Variants in LUZP2 observed in about 807,000 individuals in gnomAD.
LUZP2 encodes the protein leucine zipper protein 2.
A neutral mutation model predicts 51.6 loss-of-function variants in LUZP2; 52 were observed. The ratio of observed to expected loss-of-function variants is 1.01; its 90% CI spans 0.81 to 1.27. The LOEUF (loss-of-function observed/expected upper bound fraction) is 1.27, where lower values mean the gene tolerates loss of function less well. LUZP2 is among the 50% of genes most tolerant of loss of function. LUZP2 has a pLI of 0.00. For synonymous variants in LUZP2, 154 were observed against 137.3 expected (o/e 1.12, Z -0.85); for missense variants, 436 against 395.4 (o/e 1.10, Z -0.87).
intron 9 of LUZP2, among the ~76,000 whole-genome samples, chr11:24,999,598 C>T (rs1417011381): frequency 2.1e-5 from 3 of 141,554 alleles, no homozygotes; most frequent in Non-Finnish European, 4.7e-5. Context: ...AATCCCTTGA[C>T]CTCGTGATCT....
chr11:25,003,202 A>G (rs1229041227), intron 9 of LUZP2, among the ~76,000 whole-genome samples: 1 of 152,182 alleles, frequency 6.6e-6, no homozygotes, highest in Non-Finnish European at 1.5e-5. Context: ...AATCATCCAC[A>G]TACTGAAGGA....
intron 5 of LUZP2, among the ~76,000 whole-genome samples, chr11:24,853,416 A>G (rs1590641451): frequency 1.3e-5 from 2 of 151,912 alleles, no homozygotes; most frequent in African/African-American, 2.4e-5. Flanking sequence ...CGATTCAGCT[A>G]TTGATACTTC....
At chr11:24,742,058 TA>T (rs1367554281) in intron 4 of LUZP2, among the ~76,000 whole-genome samples, 2,095 of 50,608 alleles carry the variant, frequency 0.041, 155 homozygotes, top group African/African-American at 0.12. Flanking sequence ...TAAATATAAT[TA>T]TATATATATA....
At position 25,028,394 on chromosome 11, in the gene LUZP2, G is replaced by A. The variant is rs543550341; in HGVS notation, c.766-21644G>A. 5.9e-5 allele frequency among the ~76,000 whole-genome samples: 9 copies of A among 152,080 alleles called. No individual in the cohort carries two copies. The South Asian group carries it at 1.7e-3, about 28-fold the overall frequency. ...CCCAGCTTATGGGAACCATCATTCT[G>A]AGTGTCCATCAACAGACAAATGGAT... On this transcript the variant is annotated intron_variant, in intron 9 of 11. Coordinates refer to ENST00000336930, the MANE Select transcript of LUZP2 (RefSeq NM_001009909.4).
intron 7 of LUZP2, among the ~76,000 whole-genome samples, chr11:24,953,158 A>C (rs1238000056): frequency 6.6e-6 from 1 of 151,952 alleles, no homozygotes; most frequent in Non-Finnish European, 1.5e-5. Flanking sequence ...ATGTTTCACT[A>C]TCTGCTGCTT....
chr11:24,985,724 C>T (rs1414904093), intron 9 of LUZP2, among the ~76,000 whole-genome samples: 1 of 151,682 alleles, frequency 6.6e-6, no homozygotes, highest in Non-Finnish European at 1.5e-5. Context: ...GGAAGCCAAA[C>T]TGGTTTGTTT....
intron 1 of LUZP2, among the ~76,000 whole-genome samples, chr11:24,708,616 A>G (rs1428959699): frequency 2.0e-5 from 3 of 152,142 alleles, no homozygotes; most frequent in Non-Finnish European, 4.4e-5. Context: ...TAGGCCTATA[A>G]GAATCACCTG....
intron 7 of LUZP2, among the ~76,000 whole-genome samples, chr11:24,921,382 A>G (rs1043365398): frequency 6.6e-6 from 1 of 152,072 alleles, no homozygotes; most frequent in South Asian, 2.1e-4. Context: ...TAGTCCTTTA[A>G]TATGCAAATG....
chr11:24,926,213 A>G (rs189500428), intron 7 of LUZP2, among the ~76,000 whole-genome samples: 22 of 148,668 alleles, frequency 1.5e-4, no homozygotes, highest in Non-Finnish European at 3.1e-4. Context: ...GTGTGTATAT[A>G]TATATATACG....
intron 9 of LUZP2, among the ~76,000 whole-genome samples, chr11:25,001,582 A>G (rs1186440178): frequency 6.6e-6 from 1 of 152,120 alleles, no homozygotes; most frequent in African/African-American, 2.4e-5. Flanking sequence ...GTGGTATTGG[A>G]GTGTTATAGG....
Position 24,611,387 on chromosome 11 carries a change from T to TTATA in LUZP2, c.62+114087_62+114090dup. Among the ~76,000 whole-genome samples, 1 of 152,290 alleles carries TTATA rather than the reference T, an allele frequency of 6.6e-6. No homozygotes were observed. The highest frequency in any genetic ancestry group is 2.1e-4 in the South Asian group (1 of 4,834). The stretch of plus-strand genomic sequence containing the variant: ...ACTGAGATAAGTACCATTTACCCCA[T>TTATA]TATATATACATACATACAGCTATAT... On this transcript the variant is annotated intron_variant, in intron 1 of 11. Transcript: ENST00000336930. This position sits in a 1 kb window ranked among gnomAD's most constrained non-coding sequence, Gnocchi z 4.6.
intron 1 of LUZP2, among the ~76,000 whole-genome samples, chr11:24,512,153 C>T (rs1475777298): frequency 6.6e-6 from 1 of 152,066 alleles, no homozygotes; most frequent in Non-Finnish European, 1.5e-5. Flanking sequence ...GAAGTGAAAC[C>T]AAGATGGTGC....
intron 9 of LUZP2, among the ~76,000 whole-genome samples, chr11:25,012,210 A>C (rs1221217643): frequency 6.6e-6 from 1 of 152,174 alleles, no homozygotes; most frequent in African/African-American, 2.4e-5. Flanking sequence ...CGCAAAATAT[A>C]ATAACCTCTT....
chr11:24,693,447 TC>T (rs1254432405), intron 1 of LUZP2, among the ~76,000 whole-genome samples: 4 of 151,726 alleles, frequency 2.6e-5, no homozygotes, highest in Non-Finnish European at 5.9e-5. Context: ...GTTACTGTTT[TC>T]CATATATTTT....
At chr11:24,596,476 A>C (rs1445164391) in intron 1 of LUZP2, among the ~76,000 whole-genome samples, 1 of 152,200 alleles carries the variant, frequency 6.6e-6, no homozygotes, top group Non-Finnish European at 1.5e-5. Context: ...TTTAGGGAAC[A>C]GCAGCAGTGT....
intron 1 of LUZP2, among the ~76,000 whole-genome samples, chr11:24,679,313 T>C (rs755963510): frequency 6.6e-6 from 1 of 152,158 alleles, no homozygotes; most frequent in Non-Finnish European, 1.5e-5. Flanking sequence ...TTACTTCAAG[T>C]GATAAAAACA....
intron 1 of LUZP2, among the ~76,000 whole-genome samples, chr11:24,613,778 G>A (rs1854198838): frequency 7.0e-6 from 1 of 141,904 alleles, no homozygotes; most frequent in African/African-American, 2.7e-5. Flanking sequence ...AGAGGATAAT[G>A]CTCAGTCACT....
intron 5 of LUZP2, among the ~76,000 whole-genome samples, chr11:24,777,930 T>TA (rs895334789): frequency 2.6e-5 from 4 of 152,112 alleles, no homozygotes; most frequent in Non-Finnish European, 4.4e-5. Flanking sequence ...AGTCTTTTTT[T>TA]AATATTATAT....
intron 1 of LUZP2, among the ~76,000 whole-genome samples, chr11:24,691,122 A>G (rs775338798): frequency 2.0e-5 from 3 of 151,970 alleles, no homozygotes; most frequent in Non-Finnish European, 4.4e-5. Context: ...ATCTGTAACA[A>G]TACAACAAAC....
Sources: gnomAD v4.1 joint callset for allele counts (sites outside exome capture counted in the v4.1 genomes callset) on GRCh38, gnomAD v4.1.1 for gene constraint, Gnocchi (gnomAD v3.1) non-coding constraint, MANE v1.5 for transcripts, NCBI Gene and HGNC (gene_info 2026-07-23, HGNC 2026-07-21) for gene names.